Variants in CSMD2 observed in about 807,000 individuals in gnomAD.
CSMD2 encodes the protein CUB and Sushi multiple domains 2.
A neutral mutation model predicts 398.5 loss-of-function variants in CSMD2; 130 were observed. The observed-to-expected ratio is 0.33, with a 90% CI of 0.28 to 0.38. The LOEUF is 0.38. CSMD2 is among the 10% of genes least tolerant of loss of function. CSMD2 has a pLI of 1.00. For synonymous variants in CSMD2, 1,828 were observed against 1,908.5 expected, an observed-to-expected ratio of 0.96 and a Z score of 1.10; for missense variants, 3,829 against 4,764.9, an observed-to-expected ratio of 0.80 and a Z score of 5.78.
chr1:33,722,396 C>T lies in CSMD2; in HGVS notation c.3001+1801G>A, dbSNP rs755420284. Among the ~76,000 whole-genome samples, 19 of 152,210 alleles carry T rather than the reference C, an allele frequency of 1.2e-4. 1 individual carries two copies. The highest frequency in any genetic ancestry group is 2.2e-4 in the Non-Finnish European group (15 of 68,040). On this transcript the variant is annotated intron_variant, in intron 19 of 70. Transcript: ENST00000373381. ...ACCCTCTGGAATGCCTGAACCATTT[C>T]GCACAATGTCAGCAGTCAATAGCAT...
chr1:33,882,870 G>A (rs567512762), intron 5 of CSMD2, among the ~76,000 whole-genome samples: 2 of 151,820 alleles, frequency 1.3e-5, no homozygotes, highest in Non-Finnish European at 2.9e-5. Context: ...TTCCCTTCGT[G>A]GCTACGGATG....
chr1:33,921,764 G>A (rs760257896), intron 4 of CSMD2, among the ~76,000 whole-genome samples: 3 of 152,180 alleles, frequency 2.0e-5, no homozygotes, highest in Non-Finnish European at 4.4e-5. Context: ...GGGGAGTCAT[G>A]GTAGGTGTGG....
chr1:33,851,522 C>G (rs1638707688), intron 5 of CSMD2, among the ~76,000 whole-genome samples: 1 of 152,180 alleles, frequency 6.6e-6, no homozygotes, highest in Non-Finnish European at 1.5e-5. Flanking sequence ...CCCTTCCCAC[C>G]TGTCACCTGC....
intron 5 of CSMD2, among the ~76,000 whole-genome samples, chr1:33,896,446 T>C (rs1260244162): frequency 6.6e-6 from 1 of 152,126 alleles, no homozygotes; most frequent in Non-Finnish European, 1.5e-5. Context: ...TAGAGAGATA[T>C]AAATAACCCC....
rs372464364 is a variant in CSMD2, at chr1:33,519,714, G to C, written c.10737-37C>G. The C allele has an allele frequency of 1.9e-6, 3 of 1,613,784 alleles. No individual in the cohort carries two copies. The highest frequency in any genetic ancestry group is 2.5e-6 in the Non-Finnish European group (3 of 1,179,900). ...AGAGGAAGTGCCCACGGCATGAAAA[G>C]AGCGACACAGAGAGGCTTAGGGGTC... On this transcript the variant is annotated intron_variant, in intron 69 of 70. Coordinates refer to ENST00000373381, the MANE Select transcript of CSMD2 (RefSeq NM_001281956.2). The surrounding 1 kb of genome is among the most constrained non-coding windows in gnomAD (Gnocchi z 5.6).
At chr1:33,827,691 T>C (rs1658986742) in intron 6 of CSMD2, among the ~76,000 whole-genome samples, 1 of 152,244 alleles carries the variant, frequency 6.6e-6, no homozygotes, top group African/African-American at 2.4e-5. Flanking sequence ...CCTAGAATCA[T>C]TTCATTTGGT....
At chr1:33,871,789 G>C (rs557733035) in intron 5 of CSMD2, among the ~76,000 whole-genome samples, 1 of 152,030 alleles carries the variant, frequency 6.6e-6, no homozygotes. Flanking sequence ...GCTAATTTTC[G>C]TATTTTTCAT....
intron 25 of CSMD2, among the ~76,000 whole-genome samples, chr1:33,678,081 A>T (rs955142784): frequency 6.6e-6 from 1 of 151,886 alleles, no homozygotes; most frequent in Non-Finnish European, 1.5e-5. Context: ...CACGTTCTGC[A>T]CATATACCCT....
chr1:33,824,211 G>A (rs181620665), intron 7 of CSMD2, among the ~76,000 whole-genome samples: 4 of 152,314 alleles, frequency 2.6e-5, no homozygotes, highest in Admixed American at 2.0e-4. Context: ...ATTAAACTGT[G>A]CCTGCCTCAG....
At position 33,559,428 on chromosome 1, in the gene CSMD2, T is replaced by C; in HGVS notation, c.8426A>G (p.Gln2809Arg). The C allele has an allele frequency of 6.5e-7, 1 of 1,536,150 alleles. No individual in the cohort carries two copies. The highest frequency in any genetic ancestry group is 8.7e-7 in the Non-Finnish European group (1 of 1,146,890). ...ATCGTTGAGGTTAAACTGGTTACCC[T>C]GAGTGAGGCCGTTGACAGGGTTGCC... Reference protein sequence around the residue: ...HPGNPVNGLTQGNQFNLNDVV... With the variant: ...HPGNPVNGLTRGNQFNLNDVV... Residue 2809 changes from glutamine (Q) to arginine (R), a missense_variant, in exon 54 of 71, where the codon CAG becomes CGG. Physicochemically the swap from Gln to Arg is conservative, Grantham distance 43. Coordinates refer to ENST00000373381, the MANE Select transcript of CSMD2 (RefSeq NM_001281956.2). This position sits in a 1 kb window ranked among gnomAD's most constrained non-coding sequence, Gnocchi z 4.0.
chr1:33,672,990 G>T (rs1191894508), intron 25 of CSMD2, among the ~76,000 whole-genome samples: 3 of 152,192 alleles, frequency 2.0e-5, no homozygotes, highest in Non-Finnish European at 4.4e-5. Context: ...ACCAAAGGTA[G>T]ATAAAACCAC....
chr1:34,052,899 A>G (rs1653378200), intron 2 of CSMD2, among the ~76,000 whole-genome samples: 2 of 152,234 alleles, frequency 1.3e-5, no homozygotes, highest in South Asian at 4.2e-4. Flanking sequence ...GGATTTGGCA[A>G]TGAGGACAGT....
intron 25 of CSMD2, among the ~76,000 whole-genome samples, chr1:33,685,180 A>C (rs1049322117): frequency 1.3e-5 from 2 of 152,206 alleles, no homozygotes; most frequent in Non-Finnish European, 2.9e-5. Context: ...GCGGCAGCCA[A>C]CTAGGTAGCC....
intron 39 of CSMD2, among the ~76,000 whole-genome samples, chr1:33,616,299 G>A (rs188177754): frequency 6.6e-6 from 1 of 152,036 alleles, no homozygotes; most frequent in Non-Finnish European, 1.5e-5. Flanking sequence ...GTACAGTGGT[G>A]CAGTCTCAGC....
At chr1:33,906,270 T>A (rs1309450749) in intron 5 of CSMD2, among the ~76,000 whole-genome samples, 1 of 152,246 alleles carries the variant, frequency 6.6e-6, no homozygotes, top group African/African-American at 2.4e-5. Context: ...TAGATCCAGA[T>A]GGGCCTTGTG....
At chr1:33,951,526 T>C (rs1435740577) in intron 3 of CSMD2, among the ~76,000 whole-genome samples, 1 of 152,216 alleles carries the variant, frequency 6.6e-6, no homozygotes, top group Non-Finnish European at 1.5e-5. Context: ...ATTTACATCG[T>C]TGACTGCCAA....
intron 44 of CSMD2, among the ~76,000 whole-genome samples, chr1:33,588,225 T>C (rs1471378042): frequency 3.9e-5 from 6 of 152,196 alleles, no homozygotes; most frequent in Non-Finnish European, 5.9e-5. Flanking sequence ...ATAATTACAT[T>C]TCTTAGAAAA....
At chr1:33,602,658 G>A in intron 42 of CSMD2, 112 bp from the exon 43 acceptor site, 1 of 992,308 alleles carries the variant, frequency 1.0e-6, no homozygotes, top group Non-Finnish European at 1.4e-6. Context: ...TGTCAGGGAG[G>A]TTGGGTGGGA....
At chr1:34,054,493 G>A (rs956690364) in intron 2 of CSMD2, among the ~76,000 whole-genome samples, 2 of 152,056 alleles carry the variant, frequency 1.3e-5, no homozygotes, top group African/African-American at 2.4e-5. Flanking sequence ...AGGCCGAGGT[G>A]GGCAGATCAC....
Sources: gnomAD v4.1 joint callset for allele counts (sites outside exome capture counted in the v4.1 genomes callset) on GRCh38, gnomAD v4.1.1 for gene constraint, Gnocchi (gnomAD v3.1) non-coding constraint, MANE v1.5 for transcripts, NCBI Gene and HGNC (gene_info 2026-07-23, HGNC 2026-07-21) for gene names.